NPAS2: variants seen among roughly 807,000 people sequenced by gnomAD.
NPAS2 encodes neuronal PAS domain protein 2.
NPAS2 carries 23 observed loss-of-function variants against 107.5 expected under a neutral mutation model. The observed-to-expected ratio is 0.21, with a 90% CI of 0.15 to 0.30. The LOEUF is 0.30. Among genes scored for constraint, NPAS2 ranks in the 10% least tolerant of loss-of-function variants. NPAS2 has a pLI of 1.00. For missense variants in NPAS2, 756 were observed against 1,043.3 expected, an observed-to-expected ratio of 0.72 and a Z score of 3.79; for synonymous variants, 403 against 417.5, an observed-to-expected ratio of 0.97 and a Z score of 0.42.
chr2:100,931,418 C>A (rs943200607), intron 3 of NPAS2, among the ~76,000 whole-genome samples: 18 of 151,768 alleles, frequency 1.2e-4, no homozygotes, highest in African/African-American at 4.1e-4. Context: ...TGGAGACGAG[C>A]ACTGCTGGGA....
chr2:100,899,134 G>A (rs545394247), intron 1 of NPAS2, among the ~76,000 whole-genome samples: 2 of 152,124 alleles, frequency 1.3e-5, no homozygotes, highest in African/African-American at 4.8e-5. Context: ...AGCGTGCTGG[G>A]GTGTCCTGGA....
chr2:100,906,981 A>T (rs911041133), intron 2 of NPAS2, among the ~76,000 whole-genome samples: 1 of 152,184 alleles, frequency 6.6e-6, no homozygotes, highest in Non-Finnish European at 1.5e-5. Flanking sequence ...CCAGACCACA[A>T]GAGGCTTTTC....
At position 100,888,432 on chromosome 2, in the gene NPAS2, A is replaced by G. The variant is rs539114713; in HGVS notation, c.-22-16301A>G. Reference sequence around the variant, plus strand: ...GTAGAAAGTGTTGGAGAGGGGGACAATGTGATGAGGATGGGGCTAAAGTCA... The same window carrying G: ...GTAGAAAGTGTTGGAGAGGGGGACAGTGTGATGAGGATGGGGCTAAAGTCA... On this transcript the variant is annotated intron_variant, in intron 1 of 20. Coordinates refer to ENST00000335681, the MANE Select transcript of NPAS2 (RefSeq NM_002518.4). Among the ~76,000 whole-genome samples the G allele has an allele frequency of 4.6e-5, 7 of 152,190 alleles. No individual in the cohort carries two copies. The South Asian group carries it at 8.3e-4, about 18-fold the overall frequency.
intron 2 of NPAS2, among the ~76,000 whole-genome samples, chr2:100,924,682 A>T (rs1329188347): frequency 6.6e-6 from 1 of 152,190 alleles, no homozygotes; most frequent in Non-Finnish European, 1.5e-5. Flanking sequence ...TCTTTGGAGC[A>T]GGGGCCAGGA....
intron 1 of NPAS2, chr2:100,878,218 GA>G: frequency 1.0e-6 from 1 of 985,416 alleles, no homozygotes; most frequent in Non-Finnish European, 1.2e-6. Context: ...AGATGCTAGG[GA>G]AAGCTGGGCA....
rs761665330 is a variant in NPAS2, at chr2:100,965,804, C to T, written c.907+38C>T. On this transcript the variant is annotated intron_variant, in intron 10 of 20. Coordinates refer to ENST00000335681, the MANE Select transcript of NPAS2 (RefSeq NM_002518.4). The surrounding 1 kb of genome is among the most constrained non-coding windows in gnomAD (Gnocchi z 4.3). ...GCCCAGCCCAGGCATGGGGGCCTTG[C>T]GTTCACTCCACTGGGGCCCAGCAGC... is the stretch of plus-strand genomic sequence containing the variant. 16 of 1,331,958 alleles carry T rather than the reference C, an allele frequency of 1.2e-5. No homozygotes were observed. The highest frequency in any genetic ancestry group is 4.4e-5 in the African/African-American group (3 of 68,566). 82.5% of individuals were successfully genotyped at this position (1,331,958 alleles called of 1,614,324 possible).
At chr2:100,885,400 G>T (rs140437346) in intron 1 of NPAS2, among the ~76,000 whole-genome samples, 18 of 152,018 alleles carry the variant, frequency 1.2e-4, no homozygotes, top group Middle Eastern at 3.2e-3. Context: ...TTCCAAATAG[G>T]TTGCAAAAAT....
chr2:100,901,881 G>GA (rs1681805611), intron 1 of NPAS2, among the ~76,000 whole-genome samples: 1 of 152,036 alleles, frequency 6.6e-6, no homozygotes, highest in Admixed American at 6.6e-5. Flanking sequence ...TTGGGACCCT[G>GA]ATTCACACAC....
At chr2:100,969,745 A>G (rs1172892130) in intron 11 of NPAS2, among the ~76,000 whole-genome samples, 1 of 152,116 alleles carries the variant, frequency 6.6e-6, no homozygotes, top group Non-Finnish European at 1.5e-5. Flanking sequence ...GCTATACCGT[A>G]TAGTGTATTG....
intron 1 of NPAS2, among the ~76,000 whole-genome samples, chr2:100,865,814 A>G (rs1679214594): frequency 6.6e-6 from 1 of 152,160 alleles, no homozygotes; most frequent in African/African-American, 2.4e-5. Flanking sequence ...TATTTGGACC[A>G]TACTCTCTAA....
intron 4 of NPAS2, among the ~76,000 whole-genome samples, chr2:100,936,935 TCA>T (rs1558888697): frequency 1.5e-4 from 20 of 134,992 alleles, no homozygotes; most frequent in Non-Finnish European, 2.7e-4. Context: ...TGAGCCGAGA[TCA>T]TGCCACTGCA....
In NPAS2 at chr2:100,896,391, G is replaced by A. The variant is rs1024720035; in HGVS notation, c.-22-8342G>A. ...GGAGGCAGAGCCCAGGGTCTGCTCT[G>A]TCCCCAAGCCTGTGTCTGTGGGCAG... On this transcript the variant is annotated intron_variant, in intron 1 of 20. Coordinates refer to ENST00000335681, the MANE Select transcript of NPAS2 (RefSeq NM_002518.4). Among the ~76,000 whole-genome samples the A allele has an allele frequency of 8.7e-4, 133 of 152,208 alleles. 1 individual carries two copies. The highest frequency in any genetic ancestry group is 2.4e-4 in the Non-Finnish European group (16 of 68,038).
In NPAS2 at chr2:100,995,630, AG is replaced by A. The variant is rs1387246000; in HGVS notation, c.*54del. The A allele has an allele frequency of 5.1e-6, 8 of 1,576,988 alleles. No homozygotes were observed. The highest frequency in any genetic ancestry group is 5.2e-6 in the Non-Finnish European group (6 of 1,161,338). ...CACAATCAGCTTTAACCAATGGATG[AG>A]GGGGGTGGCCACAGGAGATGGGGAG... On this transcript the variant is annotated 3_prime_UTR_variant, in exon 21 of 21. Transcript: ENST00000335681.
At chr2:100,873,307 T>TATATATATACACACACAC (rs1280164445) in intron 1 of NPAS2, among the ~76,000 whole-genome samples, 1 of 41,902 alleles carries the variant, frequency 2.4e-5, no homozygotes, top group Non-Finnish European at 4.5e-5. Context: ...TATATATATA[T>TATATATATACACACACAC]ACACACACAC....
chr2:100,834,681 T>TTTTCA (rs1676949401), intron 1 of NPAS2, among the ~76,000 whole-genome samples: 1 of 148,452 alleles, frequency 6.7e-6, no homozygotes, highest in Non-Finnish European at 1.5e-5. Flanking sequence ...CCTTTATCAT[T>TTTTCA]TTTCTTTTCT....
intron 4 of NPAS2, among the ~76,000 whole-genome samples, chr2:100,935,588 G>A (rs139926630): frequency 1.2e-4 from 19 of 152,254 alleles, no homozygotes; most frequent in Admixed American, 2.6e-4. Context: ...GTTATCTCCC[G>A]TCTATAAATA....
chr2:100,891,135 G>A (rs1681032864), intron 1 of NPAS2, among the ~76,000 whole-genome samples: 1 of 151,980 alleles, frequency 6.6e-6, no homozygotes, highest in Admixed American at 6.6e-5. Flanking sequence ...GGGAGGCTGA[G>A]GCAGGAGAAT....
At position 100,875,018 on chromosome 2, in the gene NPAS2, G is replaced by A. The variant is rs191624512; in HGVS notation, c.-22-29715G>A. Among the ~76,000 whole-genome samples, 12 of 152,272 alleles carry A rather than the reference G, an allele frequency of 7.9e-5. No homozygotes were observed. In the East Asian group the frequency reaches 2.3e-3, roughly 29 times the overall value. On this transcript the variant is annotated intron_variant, in intron 1 of 20. Coordinates refer to ENST00000335681, the MANE Select transcript of NPAS2 (RefSeq NM_002518.4). ...AATGTGGAATCCAAGACATACAACAGGTTGATATTTTTATCATTTTTAGGA... is the reference window on the plus strand; with the variant it reads ...AATGTGGAATCCAAGACATACAACAAGTTGATATTTTTATCATTTTTAGGA...
At chr2:100,822,984 G>A (rs557355211) in intron 1 of NPAS2, among the ~76,000 whole-genome samples, 10 of 152,160 alleles carry the variant, frequency 6.6e-5, no homozygotes, top group Admixed American at 3.9e-4. Flanking sequence ...CCTGATCCTC[G>A]TTCTATTTGT....
Sources: allele counts gnomAD v4.1 joint callset (sites outside exome capture counted in the v4.1 genomes callset), GRCh38; gene constraint gnomAD v4.1.1; non-coding constraint Gnocchi (gnomAD v3.1); transcripts MANE v1.5; gene names NCBI Gene and HGNC (gene_info 2026-07-23, HGNC 2026-07-21).